The following DLGAP1 variants were observed in gnomAD, a reference collection of about 807,000 sequenced individuals.
DLGAP1 encodes DLG associated protein 1.
Under a neutral mutation model 90.8 loss-of-function variants are expected in DLGAP1, and 11 were observed. The observed-to-expected ratio is 0.12, with a 90% CI of 0.08 to 0.20. The LOEUF (loss-of-function observed/expected upper bound fraction) is 0.20. Ranked by LOEUF, DLGAP1 falls within the 10% of genes least tolerant of loss-of-function variation. The pLI is 1.00. For synonymous variants in DLGAP1, 558 were observed against 540.7 expected (o/e 1.03, Z -0.44); for missense variants, 1,050 against 1,333.8 (o/e 0.79, Z 3.31).
chr18:3,514,825 T>G (rs115886600), intron 10 of DLGAP1, among the ~76,000 whole-genome samples: 1,571 of 152,352 alleles, frequency 0.01, 33 homozygotes, highest in African/African-American at 0.036. Flanking sequence ...TGCCTCGATG[T>G]GGATGGCTGC....
At chr18:4,400,996 T>G (rs779851452) in intron 1 of DLGAP1, among the ~76,000 whole-genome samples, 6 of 152,184 alleles carry the variant, frequency 3.9e-5, no homozygotes, top group Admixed American at 2.6e-4. Flanking sequence ...ACTCTTCTCT[T>G]CCTTGGGTAG....
intron 1 of DLGAP1, among the ~76,000 whole-genome samples, chr18:4,298,589 C>CA (rs1159692583): frequency 1.3e-5 from 2 of 149,028 alleles, no homozygotes; most frequent in Non-Finnish European, 3.0e-5. Flanking sequence ...CACATGGACA[C>CA]AGGAAGGGGA....
At chr18:3,525,763 T>C (rs1162016259) in intron 10 of DLGAP1, among the ~76,000 whole-genome samples, 1 of 152,214 alleles carries the variant, frequency 6.6e-6, no homozygotes, top group South Asian at 2.1e-4. Flanking sequence ...TCTTGCTCCG[T>C]GAGCCAGTCC....
intron 12 of DLGAP1, 85 bp downstream of exon 12, chr18:3,502,408 C>G (rs761405481): frequency 1.3e-6 from 2 of 1,581,672 alleles, no homozygotes; most frequent in Admixed American, 1.9e-5. Flanking sequence ...TTGTAAACAG[C>G]AGGACTGAAT....
chr18:3,854,693 C>T (rs957551552), intron 4 of DLGAP1, among the ~76,000 whole-genome samples: 3 of 152,160 alleles, frequency 2.0e-5, no homozygotes, highest in African/African-American at 7.2e-5. Flanking sequence ...TTGTAATACT[C>T]TACATTGTGT....
rs551524980 is a variant in DLGAP1, at chr18:3,963,133, G to A, written c.-73+41983C>T. Among the ~76,000 whole-genome samples the A allele has an allele frequency of 2.0e-5, 3 of 152,164 alleles. No homozygotes were observed. The South Asian group carries it at 6.2e-4, about 32-fold the overall frequency. On this transcript the variant is annotated intron_variant, in intron 3 of 12. Transcript: ENST00000315677. ...AGGATGGGGGAGACTGCTTTGCTTT[G>A]GGGGTGCCAGAGGGGATTTTTCCTT... is the stretch of plus-strand genomic sequence containing the variant.
chr18:3,601,153 C>G (rs531798636), intron 7 of DLGAP1, among the ~76,000 whole-genome samples: 118 of 151,834 alleles, frequency 7.8e-4, no homozygotes, highest in African/African-American at 2.7e-3. Context: ...GTGATGTGAT[C>G]TCAGCTCACT....
chr18:3,949,380 T>C (rs1197158463), intron 3 of DLGAP1, among the ~76,000 whole-genome samples: 2 of 152,228 alleles, frequency 1.3e-5, no homozygotes, highest in African/African-American at 4.8e-5. Context: ...GCTCCGGACC[T>C]GGGGCTTCAG....
intron 7 of DLGAP1, among the ~76,000 whole-genome samples, chr18:3,701,015 A>T (rs2061262826): frequency 6.6e-6 from 1 of 152,152 alleles, no homozygotes; most frequent in African/African-American, 2.4e-5. Flanking sequence ...AGTAGCTAGG[A>T]CTACAGGAGT....
chr18:4,041,398 A>G (rs1253351474), intron 2 of DLGAP1, among the ~76,000 whole-genome samples: 3 of 152,216 alleles, frequency 2.0e-5, no homozygotes, highest in Non-Finnish European at 4.4e-5. Context: ...GATTGTTACA[A>G]AGTTAAGAAA....
intron 3 of DLGAP1, among the ~76,000 whole-genome samples, chr18:3,881,105 C>CTT (rs138240446): frequency 7.3e-5 from 11 of 150,284 alleles, no homozygotes; most frequent in Admixed American, 1.3e-4. Flanking sequence ...GGGTCTTATT[C>CTT]TTTTTTTTCT....
intron 4 of DLGAP1, among the ~76,000 whole-genome samples, chr18:3,857,283 T>C (rs1269106988): frequency 6.6e-6 from 1 of 152,202 alleles, no homozygotes; most frequent in African/African-American, 2.4e-5. Context: ...TCATTGAAAA[T>C]GACATTTATG....
At chr18:3,856,177 G>A (rs1427684485) in intron 4 of DLGAP1, among the ~76,000 whole-genome samples, 12 of 152,136 alleles carry the variant, frequency 7.9e-5, no homozygotes, top group African/African-American at 2.7e-4. Flanking sequence ...TTATTGAAGA[G>A]TTTGTAACAG....
At chr18:4,069,722 G>C (rs545315934) in intron 2 of DLGAP1, among the ~76,000 whole-genome samples, 18 of 152,268 alleles carry the variant, frequency 1.2e-4, no homozygotes, top group Admixed American at 7.2e-4. Context: ...ACCGTTTGCA[G>C]AACGTGAGCC....
intron 2 of DLGAP1, among the ~76,000 whole-genome samples, chr18:4,079,528 C>T (rs777131099): frequency 1.2e-4 from 18 of 151,862 alleles, no homozygotes; most frequent in Non-Finnish European, 2.4e-4. Flanking sequence ...GCACTGGAGA[C>T]TCAGAAGTGG....
intron 7 of DLGAP1, among the ~76,000 whole-genome samples, chr18:3,716,849 C>T (rs1021576525): frequency 2.0e-5 from 3 of 151,864 alleles, no homozygotes; most frequent in Admixed American, 6.6e-5. Context: ...ACATTTGTGG[C>T]TGGGTGCAGT....
intron 9 of DLGAP1, among the ~76,000 whole-genome samples, chr18:3,543,188 TGAGACGGAG>T (rs2052798111): frequency 7.2e-6 from 1 of 138,428 alleles, no homozygotes; most frequent in African/African-American, 2.6e-5. Flanking sequence ...TTTTTTTTTT[TGAGACGGAG>T]TCTCGCTTTG....
intron 1 of DLGAP1, among the ~76,000 whole-genome samples, chr18:4,403,680 G>A (rs1329976757): frequency 6.6e-6 from 1 of 152,056 alleles, no homozygotes; most frequent in African/African-American, 2.4e-5. Flanking sequence ...GTTCCTATGT[G>A]CATGCAAATT....
intron 7 of DLGAP1, among the ~76,000 whole-genome samples, chr18:3,622,807 CTT>C (rs1191347662): frequency 2.6e-5 from 4 of 151,540 alleles, no homozygotes; most frequent in Non-Finnish European, 5.9e-5. Context: ...CTTTTTTTTT[CTT>C]TTTCTTTTTT....
Sources: allele counts gnomAD v4.1 joint callset (sites outside exome capture counted in the v4.1 genomes callset), GRCh38; gene constraint gnomAD v4.1.1; transcripts MANE v1.5; gene names NCBI Gene and HGNC (gene_info 2026-07-23, HGNC 2026-07-21).